Variants in RUNX1T1 observed in about 807,000 individuals in gnomAD.
The protein encoded by RUNX1T1 is protein CBFA2T1.
A neutral mutation model predicts 62.8 loss-of-function variants in RUNX1T1; 4 were observed. The observed-to-expected ratio is 0.06, with a 90% CI of 0.03 to 0.15. RUNX1T1 has a LOEUF of 0.15. Among genes scored for constraint, RUNX1T1 ranks in the 10% least tolerant of loss-of-function variants. The pLI is 1.00. For missense variants in RUNX1T1, 508 were observed against 754.3 expected (o/e 0.67, Z 3.82); for synonymous variants, 291 against 286.0 (o/e 1.02, Z -0.18).
At chr8:92,038,773 C>T (rs983050102) in intron 1 of RUNX1T1, among the ~76,000 whole-genome samples, 11 of 152,150 alleles carry the variant, frequency 7.2e-5, no homozygotes, top group African/African-American at 2.7e-4. Context: ...TCTCTGCAAA[C>T]TCTGCCCTCG....
intron 1 of RUNX1T1, among the ~76,000 whole-genome samples, chr8:92,025,500 CT>C (rs1336534366): frequency 6.6e-6 from 1 of 152,178 alleles, no homozygotes; most frequent in African/African-American, 2.4e-5. Flanking sequence ...CCATCACCGC[CT>C]AATTAAGTCC....
chr8:91,961,525 ACCAG>A (rs1226571818), intron 10 of RUNX1T1, among the ~76,000 whole-genome samples: 3 of 152,196 alleles, frequency 2.0e-5, no homozygotes, highest in African/African-American at 7.2e-5. Context: ...TGAGGCTGCC[ACCAG>A]GATTTAAACT....
intron 2 of RUNX1T1, among the ~76,000 whole-genome samples, chr8:92,068,875 T>C (rs1833258836): frequency 6.6e-6 from 1 of 152,220 alleles, no homozygotes; most frequent in South Asian, 2.1e-4. Flanking sequence ...CTTTGCCTTC[T>C]GTAGACATGC....
At chr8:91,969,785 T>C (rs117105431) in intron 10 of RUNX1T1, among the ~76,000 whole-genome samples, 2,942 of 152,278 alleles carry the variant, frequency 0.019, 48 homozygotes, top group Middle Eastern at 0.031. Flanking sequence ...ATTATAGATA[T>C]GTATTGTAGT....
At chr8:92,033,762 G>C (rs1826709571) in intron 1 of RUNX1T1, among the ~76,000 whole-genome samples, 1 of 152,242 alleles carries the variant, frequency 6.6e-6, no homozygotes, top group African/African-American at 2.4e-5. Context: ...ATGAGGTTAG[G>C]AGTTCAAGAC....
chr8:92,049,075 T>C (rs1486027957), intron 1 of RUNX1T1, among the ~76,000 whole-genome samples: 1 of 152,026 alleles, frequency 6.6e-6, no homozygotes, highest in South Asian at 2.1e-4. Context: ...CTGGTTTTTC[T>C]TTCCCTCTCT....
intron 6 of RUNX1T1, among the ~76,000 whole-genome samples, chr8:91,989,632 A>G (rs1817250386): frequency 6.6e-6 from 1 of 152,246 alleles, no homozygotes; most frequent in Non-Finnish European, 1.5e-5. Context: ...CCTAAGAAAC[A>G]GGCCATTTGC....
At chr8:92,070,537 C>T (rs1345245546) in intron 2 of RUNX1T1, among the ~76,000 whole-genome samples, 1 of 152,008 alleles carries the variant, frequency 6.6e-6, no homozygotes, top group African/African-American at 2.4e-5. Flanking sequence ...GCGCACCAGG[C>T]TAATGCAATT....
At chr8:92,070,940 C>A (rs1833579444) in intron 2 of RUNX1T1, among the ~76,000 whole-genome samples, 1 of 152,224 alleles carries the variant, frequency 6.6e-6, no homozygotes, top group African/African-American at 2.4e-5. Flanking sequence ...GTTTCCCAAC[C>A]CACAGCAAAG....
upstream of RUNX1T1, among the ~76,000 whole-genome samples, chr8:92,102,492 C>T (rs1468499971): frequency 6.6e-6 from 1 of 151,576 alleles, no homozygotes; most frequent in Non-Finnish European, 1.5e-5. This position sits in a 1 kb window ranked among gnomAD's most constrained non-coding sequence, Gnocchi z 4.5. Context: ...GCCAAATGCA[C>T]TGTGGGCACC....
upstream of RUNX1T1, chr8:92,102,870 G>C: frequency 6.6e-7 from 1 of 1,521,522 alleles, no homozygotes; most frequent in Non-Finnish European, 8.8e-7. The surrounding 1 kb of genome is among the most constrained non-coding windows in gnomAD (Gnocchi z 4.5). Flanking sequence ...GCACAGGGCC[G>C]GAGAGTCCCA....
intron 10 of RUNX1T1, among the ~76,000 whole-genome samples, 157 bp downstream of exon 11, chr8:91,970,500 AT>A (rs371156534): frequency 6.6e-6 from 1 of 152,188 alleles, no homozygotes; most frequent in African/African-American, 2.4e-5. Flanking sequence ...GACAAATGTG[AT>A]CAGCTCTTGG....
At chr8:92,059,650 C>T (rs779851685) in intron 1 of RUNX1T1, among the ~76,000 whole-genome samples, 1 of 152,136 alleles carries the variant, frequency 6.6e-6, no homozygotes, top group Non-Finnish European at 1.5e-5. Context: ...CTGCAGGGAC[C>T]TTCTTAAAGC....
upstream of RUNX1T1, chr8:92,103,281 G>A: frequency 4.4e-6 from 1 of 227,170 alleles, no homozygotes; most frequent in Non-Finnish European, 8.7e-6. Flanking sequence ...TCCCTCGCCC[G>A]CCCTCGCTCA....
chr8:92,069,703 A>C (rs974331056), intron 2 of RUNX1T1, among the ~76,000 whole-genome samples: 11 of 152,174 alleles, frequency 7.2e-5, no homozygotes, highest in Admixed American at 5.9e-4. Context: ...CAGTGACCCT[A>C]CAGGGTTTTA....
chr8:92,005,652 A>G (rs946256057), intron 4 of RUNX1T1: 7 of 193,528 alleles, frequency 3.6e-5, no homozygotes, highest in Non-Finnish European at 7.3e-5. Flanking sequence ...TCCACAGGGA[A>G]GATAGAGGGT....
At chr8:92,062,099 C>T (rs567146009) in intron 1 of RUNX1T1, among the ~76,000 whole-genome samples, 1 of 152,296 alleles carries the variant, frequency 6.6e-6, no homozygotes, top group African/African-American at 2.4e-5. Context: ...GCTTCCTTCA[C>T]TTTCTCTGAC....
chr8:92,038,905 C>T (rs1161095157), intron 1 of RUNX1T1, among the ~76,000 whole-genome samples: 1 of 152,072 alleles, frequency 6.6e-6, no homozygotes, highest in African/African-American at 2.4e-5. Context: ...GCCCTAACCA[C>T]TCCTTCTCAA....
intron 5 of RUNX1T1, among the ~76,000 whole-genome samples, chr8:91,998,097 AG>A (rs1046052446): frequency 2.0e-5 from 3 of 152,094 alleles, no homozygotes; most frequent in Non-Finnish European, 2.9e-5. Context: ...CATTGAATCA[AG>A]GGGGGGAAAA....
Sources: gnomAD v4.1 joint callset for allele counts (sites outside exome capture counted in the v4.1 genomes callset) on GRCh38, gnomAD v4.1.1 for gene constraint, Gnocchi (gnomAD v3.1) non-coding constraint, MANE v1.5 for transcripts, NCBI Gene and HGNC (gene_info 2026-07-23, HGNC 2026-07-21) for gene names.